The following ADAMTS16 variants were observed in gnomAD, a reference collection of about 807,000 sequenced individuals.
ADAMTS16 encodes the protein A disintegrin and metalloproteinase with thrombospondin motifs 16.
A neutral mutation model predicts 145.8 loss-of-function variants in ADAMTS16; 94 were observed. The observed-to-expected ratio is 0.64, with a 90% CI of 0.55 to 0.77. The LOEUF (loss-of-function observed/expected upper bound fraction) is 0.77, where lower values mean the gene tolerates loss of function less well. Among genes scored for constraint, ADAMTS16 ranks in the 30% least tolerant of loss-of-function variants. The pLI is 0.00. For missense variants in ADAMTS16, 1,585 were observed against 1,591.5 expected, an observed-to-expected ratio of 1.00 and a Z score of 0.07; for synonymous variants, 659 against 604.3, an observed-to-expected ratio of 1.09 and a Z score of -1.33.
intron 10 of ADAMTS16, among the ~76,000 whole-genome samples, chr5:5,218,867 T>G (rs914905837): frequency 6.6e-6 from 1 of 152,154 alleles, no homozygotes; most frequent in Non-Finnish European, 1.5e-5. Context: ...TGCCACGTCA[T>G]TCATCTTTCC....
intron 18 of ADAMTS16, among the ~76,000 whole-genome samples, chr5:5,274,781 G>A (rs1464910281): frequency 6.6e-6 from 1 of 151,532 alleles, no homozygotes; most frequent in South Asian, 2.1e-4. Flanking sequence ...ATATAAGAAA[G>A]GGCAGAAAGA....
intron 13 of ADAMTS16, among the ~76,000 whole-genome samples, 183 bp from the exon 14 acceptor site, chr5:5,236,786 A>C (rs1490394482): frequency 6.6e-5 from 3 of 45,780 alleles, no homozygotes; most frequent in African/African-American, 2.2e-4. Flanking sequence ...TGAAGCAATA[A>C]ATAAATTTAA....
chr5:5,304,280 A>G (rs546790684), intron 20 of ADAMTS16, among the ~76,000 whole-genome samples: 2 of 152,300 alleles, frequency 1.3e-5, no homozygotes, highest in South Asian at 4.1e-4. Context: ...TTGCTGCAGG[A>G]GGCTGGGAAG....
At chr5:5,318,847 A>C (rs547485462) in intron 22 of ADAMTS16, among the ~76,000 whole-genome samples, 176 bp from the exon 23 acceptor site, 1 of 152,266 alleles carries the variant, frequency 6.6e-6, no homozygotes, top group Admixed American at 6.5e-5. Flanking sequence ...ACTTCCAAGA[A>C]GGCTCTTGTG....
intron 18 of ADAMTS16, among the ~76,000 whole-genome samples, chr5:5,264,173 C>A (rs1025387107): frequency 3.3e-5 from 5 of 152,042 alleles, no homozygotes; most frequent in Non-Finnish European, 5.9e-5. Context: ...GAGAAAGAAC[C>A]AATCGGAAGA....
chr5:5,216,876 G>A (rs1240711991), intron 10 of ADAMTS16, among the ~76,000 whole-genome samples: 1 of 150,276 alleles, frequency 6.7e-6, no homozygotes, highest in African/African-American at 2.5e-5. Flanking sequence ...TTGTTCTTGC[G>A]ATAGTTTACT....
chr5:5,298,545 A>C (rs578147029), intron 18 of ADAMTS16, among the ~76,000 whole-genome samples: 170 of 152,318 alleles, frequency 1.1e-3, no homozygotes, highest in African/African-American at 4.0e-3. Flanking sequence ...ATTGTCTCCC[A>C]AGTTCTGCTG....
intron 4 of ADAMTS16, among the ~76,000 whole-genome samples, chr5:5,182,782 T>A (rs953115569): frequency 1.4e-5 from 2 of 139,698 alleles, no homozygotes; most frequent in Non-Finnish European, 3.1e-5. Context: ...TTTATCAGAG[T>A]CTTTTTTTGT....
intron 3 of ADAMTS16, among the ~76,000 whole-genome samples, chr5:5,177,879 G>A (rs1735242792): frequency 6.6e-6 from 1 of 152,240 alleles, no homozygotes; most frequent in South Asian, 2.1e-4. Flanking sequence ...AGGGCGCATG[G>A]CGTCACCTGA....
intron 3 of ADAMTS16, among the ~76,000 whole-genome samples, chr5:5,176,942 G>A (rs1735214570): frequency 6.6e-6 from 1 of 152,132 alleles, no homozygotes; most frequent in Non-Finnish European, 1.5e-5. Flanking sequence ...CACTGATCCA[G>A]TTTAGCCAGG....
chr5:5,208,887 T>C (rs1465121655), intron 9 of ADAMTS16, among the ~76,000 whole-genome samples: 1 of 152,192 alleles, frequency 6.6e-6, no homozygotes, highest in Non-Finnish European at 1.5e-5. Flanking sequence ...GTACAATGTA[T>C]AATAAACAAT....
intron 3 of ADAMTS16, among the ~76,000 whole-genome samples, chr5:5,179,341 A>AG (rs957464206): frequency 4.6e-5 from 7 of 151,710 alleles, no homozygotes; most frequent in Non-Finnish European, 7.4e-5. Flanking sequence ...TCATCTTCTG[A>AG]GGGGGGGTTT....
chr5:5,208,665 G>A (rs1351915865), intron 9 of ADAMTS16, among the ~76,000 whole-genome samples: 1 of 152,090 alleles, frequency 6.6e-6, no homozygotes, highest in African/African-American at 2.4e-5. Flanking sequence ...AGAATGAAAA[G>A]CAAAGAAACA....
rs890703900 is a variant in ADAMTS16 at position 5,157,106 on chromosome 5, C to CT, written c.501+10664dup. 1.6e-3 allele frequency among the ~76,000 whole-genome samples: 229 copies of CT among 143,802 alleles called. 1 individual carries two copies. Among genetic ancestry groups the CT allele is most frequent in the South Asian group, 2.5e-3 (11 of 4,488 alleles). The allele number at this position is 143,802 out of a possible 152,430, so 94.3% of individuals were successfully genotyped here. ...TATTTTTCACTACTTAAGAGTTTAA[C>CT]TTTTTTTTTTTTTAGGAAGAACAGC... is the stretch of plus-strand genomic sequence containing the variant. On this transcript the variant is annotated intron_variant, in intron 3 of 22. Coordinates refer to ENST00000274181, the MANE Select transcript of ADAMTS16 (RefSeq NM_139056.4).
chr5:5,264,275 C>G (rs187328547), intron 18 of ADAMTS16, among the ~76,000 whole-genome samples: 52 of 152,184 alleles, frequency 3.4e-4, no homozygotes, highest in African/African-American at 1.2e-3. Flanking sequence ...GGGACCTGCC[C>G]CTGTCTGCCT....
intron 9 of ADAMTS16, among the ~76,000 whole-genome samples, chr5:5,206,407 C>T (rs1258608199): frequency 9.1e-5 from 7 of 76,976 alleles, no homozygotes; most frequent in African/African-American, 3.9e-4. Flanking sequence ...GCCTGGGCGA[C>T]AGAGCGAGAC....
Position 5,319,708 on chromosome 5 carries a change from A to G in ADAMTS16, c.*570A>G. The G allele has an allele frequency of 2.8e-6, 1 of 357,264 alleles. No individual in the cohort carries two copies. The highest frequency in any genetic ancestry group is 7.9e-5 in the East Asian group (1 of 12,652). The allele number at this position is 357,264 out of a possible 1,614,324, so 22.1% of individuals were successfully genotyped here. On this transcript the variant is annotated 3_prime_UTR_variant, in exon 23 of 23. Transcript: ENST00000274181. ...CGAGCATCTCTTACCAGGAACCTGG[A>G]GCCACCGCCGGAGCCAGCGTCATCT...
chr5:5,235,294 T>C (rs1737072318), intron 13 of ADAMTS16, 108 bp downstream of exon 13: 1 of 1,214,848 alleles, frequency 8.2e-7, no homozygotes, highest in East Asian at 2.8e-5. Context: ...GACGTCGCTC[T>C]GGGAGGTGAG....
chr5:5,193,549 C>A (rs7723278), intron 8 of ADAMTS16, among the ~76,000 whole-genome samples: 1 of 151,960 alleles, frequency 6.6e-6, no homozygotes, highest in Admixed American at 6.5e-5. Context: ...AGTGAACGTT[C>A]GATAAGCAGT....
Sources: allele counts gnomAD v4.1 joint callset (sites outside exome capture counted in the v4.1 genomes callset), GRCh38; gene constraint gnomAD v4.1.1; transcripts MANE v1.5; gene names NCBI Gene and HGNC (gene_info 2026-07-23, HGNC 2026-07-21).